BMX: variants seen among roughly 807,000 people sequenced by gnomAD.
BMX encodes the protein cytoplasmic tyrosine-protein kinase BMX.
A neutral mutation model predicts 59.2 loss-of-function variants in BMX; 31 were observed. The observed-to-expected ratio is 0.52, with a 90% CI of 0.39 to 0.71. The LOEUF (loss-of-function observed/expected upper bound fraction) is 0.71, where lower values mean the gene tolerates loss of function less well. BMX is among the 30% of genes least tolerant of loss of function. BMX has a pLI of 0.00. For synonymous variants in BMX, 185 were observed against 181.0 expected (o/e 1.02, Z -0.18); for missense variants, 474 against 491.7 (o/e 0.96, Z 0.34).
At chrX:15,525,744 C>T (rs771950918) in intron 8 of BMX, among the ~76,000 whole-genome samples, 4 of 111,988 alleles carry the variant, frequency 3.6e-5, no homozygotes, top group Non-Finnish European at 7.5e-5. Context: ...TCATCTATTT[C>T]GTGAGCCCAC....
At chrX:15,551,221 T>C (rs986171665) in intron 18 of BMX, among the ~76,000 whole-genome samples, 1 of 111,828 alleles carries the variant, frequency 8.9e-6, no homozygotes, top group Admixed American at 9.5e-5. Context: ...ATAATCATTA[T>C]ATGGTACTTC....
In BMX at chrX:15,518,049, G is replaced by A. The variant is rs1924245863; in HGVS notation, c.510+56G>A. On this transcript the variant is annotated intron_variant, in intron 6 of 18. Transcript: ENST00000348343. ...GGTCAGGATATATTAAATAAACCAA[G>A]AGTTGCCAGATTCAAGACTAGAAAA... is the stretch of plus-strand genomic sequence containing the variant. 8.0e-6 allele frequency: 8 copies of A among 995,739 alleles called. No homozygotes were observed. The South Asian group carries it at 1.5e-4, about 19-fold the overall frequency. 82.1% of individuals were successfully genotyped at this position (995,739 alleles called of 1,213,427 possible).
At chrX:15,535,368 A>G (rs756837865) in intron 12 of BMX, among the ~76,000 whole-genome samples, 3 of 111,304 alleles carry the variant, frequency 2.7e-5, no homozygotes, top group Non-Finnish European at 5.7e-5. Context: ...CATGTAGGTG[A>G]ATTGACCTCA....
chrX:15,524,826 A>G (rs978879662), intron 7 of BMX, among the ~76,000 whole-genome samples: 11 of 112,212 alleles, frequency 9.8e-5, no homozygotes, highest in African/African-American at 3.6e-4. Flanking sequence ...AAAATGATCT[A>G]TGGCAGAGGA....
Position 15,546,865 on chromosome X carries a change from C to T in BMX, c.1739C>T (p.Ala580Val). ...VGTKFPVKWS[A>V]PEVFHYFKYS... is the part of the protein sequence containing the mutation. ...ACAAAGTTTCCAGTCAAGTGGTCAG[C>T]TCCAGAGGTGTTTCATTACTTCAAA... The change falls in exon 17 of 19, where the codon GCT becomes GTT. Residue 580 changes from alanine to valine, a missense_variant. Physicochemically the swap from Ala to Val is moderately conservative, Grantham distance 64 (BLOSUM62 0). Transcript: ENST00000348343. 2 of 1,211,043 alleles carry T rather than the reference C, an allele frequency of 1.7e-6. No individual in the cohort carries two copies. The highest frequency in any genetic ancestry group is 2.2e-6 in the Non-Finnish European group (2 of 895,081).
chrX:15,534,348 T>G lies in BMX; in HGVS notation c.1147+9T>G. On this transcript the variant is annotated intron_variant, in intron 12 of 18. Transcript: ENST00000348343. ...TCAACACAATTCAGCAGGTAACTTATTTTAGTTTTTCTTTTATGGGCCCTT... is the reference window on the plus strand; with the variant it reads ...TCAACACAATTCAGCAGGTAACTTAGTTTAGTTTTTCTTTTATGGGCCCTT... The G allele has an allele frequency of 8.7e-7, 1 of 1,153,725 alleles. No homozygotes were observed. Among genetic ancestry groups the G allele is most frequent in the Non-Finnish European group, 1.2e-6 (1 of 869,248 alleles).
intron 18 of BMX, among the ~76,000 whole-genome samples, chrX:15,552,044 A>G (rs1171785189): frequency 6.2e-5 from 7 of 112,351 alleles, no homozygotes; most frequent in Non-Finnish European, 1.1e-4. Context: ...TCTAGTGTAC[A>G]AGACACAGTG....
In BMX at chrX:15,509,441, G is replaced by A. The variant is rs768259277; in HGVS notation, c.243+8G>A. 2 of 1,145,073 alleles carry A rather than the reference G, an allele frequency of 1.7e-6. No individual in the cohort carries two copies. Among genetic ancestry groups the A allele is most frequent in the South Asian group, 3.8e-5 (2 of 52,464 alleles). 94.4% of individuals were successfully genotyped at this position (1,145,073 alleles called of 1,213,427 possible). On this transcript the variant is annotated splice_region_variant and intron_variant, in intron 3 of 18. Transcript: ENST00000348343. ...AGACAGTACCCATTTCAGGTAAAGGGAAGAACGACATTGCATTGGGTGGAT... is the reference window on the plus strand; with the variant it reads ...AGACAGTACCCATTTCAGGTAAAGGAAAGAACGACATTGCATTGGGTGGAT...
At chrX:15,506,529 T>C (rs768875679) in intron 1 of BMX, among the ~76,000 whole-genome samples, 8 of 112,135 alleles carry the variant, frequency 7.1e-5, no homozygotes, top group South Asian at 3.7e-4. Flanking sequence ...CAATGTGATA[T>C]TGCCTCCCCA....
At chrX:15,543,983 C>T (rs1195902601) in intron 16 of BMX, among the ~76,000 whole-genome samples, 3 of 111,608 alleles carry the variant, frequency 2.7e-5, no homozygotes, top group Non-Finnish European at 5.6e-5. Flanking sequence ...GCAGGAGATA[C>T]TGATATGAAT....
chrX:15,551,279 A>C (rs2147145780), intron 18 of BMX, among the ~76,000 whole-genome samples: 1 of 111,676 alleles, frequency 9.0e-6, no homozygotes, highest in East Asian at 2.8e-4. Context: ...CACTAGTAAA[A>C]GGCAAATTGG....
intron 1 of BMX, among the ~76,000 whole-genome samples, chrX:15,505,639 A>G (rs1284079795): frequency 3.6e-5 from 4 of 112,412 alleles, no homozygotes; most frequent in Non-Finnish European, 7.5e-5. Flanking sequence ...AAAATGTATA[A>G]AGGGCAGGAT....
At chrX:15,527,218 CA>C (rs1196372188) in intron 9 of BMX, among the ~76,000 whole-genome samples, 4 of 23,493 alleles carry the variant, frequency 1.7e-4, no homozygotes, top group Admixed American at 5.4e-4. Context: ...AAAAAAAAAA[CA>C]ACACAAACAC....
intron 5 of BMX, 135 bp downstream of exon 5, chrX:15,516,366 G>T: frequency 1.2e-6 from 1 of 812,827 alleles, no homozygotes; most frequent in Non-Finnish European, 1.7e-6. Context: ...ATTCAGCCTT[G>T]CAGATGCTAT....
At chrX:15,553,592 T>G (rs55857668) in intron 18 of BMX, among the ~76,000 whole-genome samples, 1 of 111,758 alleles carries the variant, frequency 8.9e-6, no homozygotes, top group Non-Finnish European at 1.9e-5. Context: ...CAAATTGACA[T>G]TGAGATTGTC....
intron 1 of BMX, among the ~76,000 whole-genome samples, chrX:15,502,287 C>T (rs1303442436): frequency 8.9e-6 from 1 of 111,987 alleles, no homozygotes; most frequent in Non-Finnish European, 1.9e-5. Flanking sequence ...TTTAATTCAG[C>T]ATGAGATGCT....
At chrX:15,541,273 A>T (rs765248294) in intron 14 of BMX, among the ~76,000 whole-genome samples, 1 of 110,878 alleles carries the variant, frequency 9.0e-6, no homozygotes, top group South Asian at 3.8e-4. Context: ...CCATAGCTAC[A>T]TTACGCTCCA....
intron 1 of BMX, among the ~76,000 whole-genome samples, chrX:15,506,482 G>A (rs57808553): frequency 0.091 from 10,107 of 111,565 alleles, 1,072 homozygotes; most frequent in African/African-American, 0.31. Flanking sequence ...AGTAAAATAC[G>A]GAAATATAAA....
At chrX:15,516,694 C>T (rs57847471) in intron 5 of BMX, among the ~76,000 whole-genome samples, 10,248 of 108,981 alleles carry the variant, frequency 0.094, 1,157 homozygotes, top group African/African-American at 0.32. Context: ...AAAGATATAA[C>T]TTAAGTAACA....
Sources: gnomAD v4.1 joint callset for allele counts (sites outside exome capture counted in the v4.1 genomes callset) on GRCh38, gnomAD v4.1.1 for gene constraint, MANE v1.5 for transcripts, NCBI Gene and HGNC (gene_info 2026-07-23, HGNC 2026-07-21) for gene names.